PCDH19: variants seen among roughly 807,000 people sequenced by gnomAD.
The protein encoded by PCDH19 is protocadherin 19.
Under a neutral mutation model 46.2 loss-of-function variants are expected in PCDH19, and 6 were observed. That is an observed-to-expected ratio of 0.13 (90% CI 0.07 to 0.26). PCDH19 has a LOEUF of 0.26. Among genes scored for constraint, PCDH19 ranks in the 10% least tolerant of loss-of-function variants. PCDH19 has a pLI of 1.00. For synonymous variants in PCDH19, 481 were observed against 415.7 expected (o/e 1.16, Z -1.91); for missense variants, 740 against 972.3 (o/e 0.76, Z 3.18).
chrX:100,396,298 T>C (rs1170445946), intron 3 of PCDH19, among the ~76,000 whole-genome samples: 1 of 112,144 alleles, frequency 8.9e-6, no homozygotes, highest in Non-Finnish European at 1.9e-5. Flanking sequence ...CCTTAGCTTC[T>C]GCGCTGGGCA....
At chrX:100,326,097 A>G (rs1194592553) in intron 5 of PCDH19, among the ~76,000 whole-genome samples, 2 of 112,945 alleles carry the variant, frequency 1.8e-5, no homozygotes, top group African/African-American at 6.4e-5. Flanking sequence ...TTTTTCATTT[A>G]TCAACTGTGT....
intron 5 of PCDH19, among the ~76,000 whole-genome samples, chrX:100,315,086 C>T (rs1925256400): frequency 8.9e-6 from 1 of 112,340 alleles, no homozygotes; most frequent in African/African-American, 3.2e-5. Context: ...AGAAAATCCT[C>T]CTTCCCACCA....
chrX:100,352,199 A>G (rs1406826073), intron 3 of PCDH19, among the ~76,000 whole-genome samples: 2 of 112,275 alleles, frequency 1.8e-5, no homozygotes, highest in East Asian at 5.6e-4. Flanking sequence ...CAAAAGGGTC[A>G]GTTCATTTCT....
chrX:100,319,792 T>C (rs757710635), intron 5 of PCDH19, among the ~76,000 whole-genome samples: 11 of 111,994 alleles, frequency 9.8e-5, no homozygotes, highest in Non-Finnish European at 1.7e-4. Flanking sequence ...AATCATTCCA[T>C]TTTGGGAAAG....
rs1279985091 is a variant in PCDH19 at position 100,303,294 on chromosome X, GAAGGAAGGAAGA to G, written c.2849-6431_2849-6420del. On this transcript the variant is annotated intron_variant, in intron 5 of 5. Transcript: ENST00000373034. ...AAAGAAAGGAAGGAAATGGAAGAAG[GAAGGAAGGAAGA>G]AAGGAAGGAAGGAAAAAAGGAAGGA... 5.4e-5 allele frequency among the ~76,000 whole-genome samples: 6 copies of G among 110,404 alleles called. No individual in the cohort carries two copies. In the East Asian group the frequency reaches 1.7e-3, roughly 32 times the overall value.
chrX:100,341,551 A>G (rs191338745), intron 5 of PCDH19, among the ~76,000 whole-genome samples: 11 of 112,292 alleles, frequency 9.8e-5, no homozygotes, highest in Non-Finnish European at 1.5e-4. Flanking sequence ...TCGATTGATC[A>G]GCTGAATTCA....
intron 5 of PCDH19, among the ~76,000 whole-genome samples, chrX:100,302,449 T>C (rs182156805): frequency 8.9e-6 from 1 of 111,984 alleles, no homozygotes; most frequent in East Asian, 2.8e-4. Context: ...GTAATTACCA[T>C]TGACCCTTGA....
At chrX:100,356,080 A>G (rs1390954656) in intron 3 of PCDH19, among the ~76,000 whole-genome samples, 1 of 110,203 alleles carries the variant, frequency 9.1e-6, no homozygotes, top group Non-Finnish European at 1.9e-5. Flanking sequence ...TACCAAGCAA[A>G]AAAAAAAAAG....
intron 5 of PCDH19, among the ~76,000 whole-genome samples, chrX:100,333,239 AAGAAAG>A: frequency 9.7e-6 from 1 of 102,758 alleles, no homozygotes; most frequent in Non-Finnish European, 2.0e-5. Flanking sequence ...GAAAGAAAGA[AAGAAAG>A]AAAGGGAAAG....
intron 3 of PCDH19, among the ~76,000 whole-genome samples, chrX:100,351,114 T>C (rs1485527162): frequency 8.8e-6 from 1 of 113,195 alleles, no homozygotes; most frequent in Non-Finnish European, 1.9e-5. Context: ...AAATATTTAT[T>C]CCAAAGATAT....
intron 5 of PCDH19, among the ~76,000 whole-genome samples, chrX:100,326,010 T>C (rs1399764144): frequency 8.9e-6 from 1 of 112,321 alleles, no homozygotes; most frequent in Non-Finnish European, 1.9e-5. Flanking sequence ...CAACACCATA[T>C]TATCAGCGAA....
intron 3 of PCDH19, among the ~76,000 whole-genome samples, chrX:100,377,708 A>G (rs942262771): frequency 2.7e-5 from 3 of 112,010 alleles, no homozygotes; most frequent in African/African-American, 9.7e-5. Flanking sequence ...CTGATGAGAA[A>G]GAGAATTCGA....
At chrX:100,307,323 A>C (rs894457333) in intron 5 of PCDH19, among the ~76,000 whole-genome samples, 1 of 112,117 alleles carries the variant, frequency 8.9e-6, no homozygotes, top group African/African-American at 3.2e-5. Context: ...GATTCAGACA[A>C]AGCATTTGAC....
Position 100,409,709 on chromosome X carries a change from T to TCCGCCGCCGCCGCCGCCG in PCDH19, c.-1130_-1113dup, listed in dbSNP as rs59564734. The TCCGCCGCCGCCGCCGCCG allele has an allele frequency of 4.5e-5, 11 of 244,440 alleles. No individual in the cohort carries two copies. The highest frequency in any genetic ancestry group is 1.6e-4 in the East Asian group (1 of 6,160). 20.1% of individuals were successfully genotyped at this position (244,440 alleles called of 1,213,427 possible). On this transcript the variant is annotated 5_prime_UTR_variant, in exon 1 of 6. Transcript: ENST00000373034. The stretch of plus-strand genomic sequence containing the variant: ...TTTGGGCTGGGGTGTCGCTCCAAGG[T>TCCGCCGCCGCCGCCGCCG]CCGCCGCCGCCGCCGCCGCCGCCGC...
At chrX:100,335,172 G>T (rs1322010346) in intron 5 of PCDH19, among the ~76,000 whole-genome samples, 1 of 110,944 alleles carries the variant, frequency 9.0e-6, no homozygotes, top group Admixed American at 9.6e-5. Flanking sequence ...CCAATTATGT[G>T]GTACAGCAGA....
rs754972091 is a variant in PCDH19, at chrX:100,295,478, C to A, written c.*799G>T. ...ACTGAAAGGCAGGAAAAATACTTTG[C>A]AAAGTGGTGAGCAATCACTACATGA... On this transcript the variant is annotated 3_prime_UTR_variant, in exon 6 of 6. Coordinates refer to ENST00000373034, the MANE Select transcript of PCDH19 (RefSeq NM_001184880.2). 1 of 112,274 alleles carries A rather than the reference C, an allele frequency of 8.9e-6. No individual in the cohort carries two copies. The highest frequency in any genetic ancestry group is 2.8e-4 in the East Asian group (1 of 3,564). The allele number at this position is 112,274 out of a possible 1,213,427, so 9.3% of individuals were successfully genotyped here.
At chrX:100,394,481 C>T (rs755690443) in intron 3 of PCDH19, among the ~76,000 whole-genome samples, 2 of 111,652 alleles carry the variant, frequency 1.8e-5, no homozygotes, top group African/African-American at 6.5e-5. Flanking sequence ...ACTTGGGGAG[C>T]TTTCATAATC....
chrX:100,350,742 T>C, intron 3 of PCDH19, 38 bp from the exon 4 acceptor site: 1 of 906,172 alleles, frequency 1.1e-6, no homozygotes, highest in African/African-American at 1.9e-5. Context: ...GTTACACAGA[T>C]GATTCATAAG....
At chrX:100,341,469 G>A (rs1165898723) in intron 5 of PCDH19, among the ~76,000 whole-genome samples, 1 of 111,639 alleles carries the variant, frequency 9.0e-6, no homozygotes, top group African/African-American at 3.3e-5. Flanking sequence ...CTCACTCTGG[G>A]TAAAGCTAAC....
Sources: allele counts gnomAD v4.1 joint callset (sites outside exome capture counted in the v4.1 genomes callset), GRCh38; gene constraint gnomAD v4.1.1; transcripts MANE v1.5; gene names NCBI Gene and HGNC (gene_info 2026-07-23, HGNC 2026-07-21).